Variants in DNAH2 observed in about 807,000 individuals in gnomAD.
The protein encoded by DNAH2 is dynein axonemal heavy chain 2.
In DNAH2, 323 loss-of-function variants were observed where a neutral mutation model predicts 523.5. The ratio of observed to expected loss-of-function variants is 0.62; its 90% CI spans 0.56 to 0.68. DNAH2 has a LOEUF of 0.68. Among genes scored for constraint, DNAH2 ranks in the 30% least tolerant of loss-of-function variants. The pLI is 0.00. For missense variants in DNAH2, 4,907 were observed against 5,701.5 expected (o/e 0.86, Z 4.49); for synonymous variants, 2,093 against 2,177.4 (o/e 0.96, Z 1.08).
At chr17:7,741,254 C>CTTTCTTTCTT (rs1256127382) in intron 11 of DNAH2, among the ~76,000 whole-genome samples, 1 of 38,198 alleles carries the variant, frequency 2.6e-5, no homozygotes, top group Non-Finnish European at 4.5e-5. Context: ...TTCTTTCTTT[C>CTTTCTTTCTT]TTTCTTTCTT....
Position 7,797,424 on chromosome 17 carries a change from T to C in DNAH2, c.7974T>C (p.Asp2658=). The part of the protein sequence containing the change: ...CFRVFSDRLV[D]AADTEAFMGI... The stretch of plus-strand genomic sequence containing the variant: ...GAGTCTTCTCTGACCGGCTGGTTGA[T>C]GCGGCAGACACAGAAGCCTTCATGG... Residue 2658 remains aspartate, a synonymous_variant, in exon 52 of 86, where the codon GAT becomes GAC. Coordinates refer to ENST00000572933, the MANE Select transcript of DNAH2 (RefSeq NM_020877.5). 6.2e-7 allele frequency: 1 copy of C among 1,614,176 alleles called. No individual in the cohort carries two copies. Among genetic ancestry groups the C allele is most frequent in the Non-Finnish European group, 8.5e-7 (1 of 1,180,044 alleles).
At chr17:7,785,188 G>A (rs774843530) in intron 39 of DNAH2, among the ~76,000 whole-genome samples, 7 of 150,556 alleles carry the variant, frequency 4.6e-5, no homozygotes, top group Admixed American at 2.0e-4. Context: ...TGCAACCTCC[G>A]CCTCCCAGGT....
rs766519234 is a variant in DNAH2, at chr17:7,780,126, A to G, written c.5723-31A>G. 1.3e-5 allele frequency: 21 copies of G among 1,592,346 alleles called. No individual in the cohort carries two copies. The highest frequency in any genetic ancestry group is 1.8e-5 in the Non-Finnish European group (21 of 1,169,330). ...GAAGCAAATCAAGATGAGGAAATAT[A>G]TGATTCTAAGCAAGTGGCATTGTTT... On this transcript the variant is annotated intron_variant, in intron 36 of 85. Transcript: ENST00000572933. This position sits in a 1 kb window ranked among gnomAD's most constrained non-coding sequence, Gnocchi z 4.4.
At chr17:7,823,753 C>A (rs1412923511) in intron 74 of DNAH2, 81 bp from the exon 75 acceptor site, 4 of 1,582,976 alleles carry the variant, frequency 2.5e-6, no homozygotes, top group South Asian at 1.2e-5. Context: ...GGAGCACATT[C>A]CCGGCAGGTG....
rs781150576 is a variant in DNAH2, at chr17:7,778,284, T to C, written c.5356T>C (p.Tyr1786His). The C allele has an allele frequency of 3.7e-6, 6 of 1,614,032 alleles. No individual in the cohort carries two copies. Among genetic ancestry groups the C allele is most frequent in the Non-Finnish European group, 5.1e-6 (6 of 1,180,014 alleles). Residue 1786 changes from tyrosine to histidine, a missense_variant, in exon 35 of 86, where the codon TAC becomes CAC. Tyr to His is a moderately conservative substitution (Grantham distance 83). Around this residue, in one of 3 missense-constraint regions of DNAH2, gnomAD observed 2,806 missense variants for 3,190.8 expected, o/e 0.88. Transcript: ENST00000572933. The part of the protein sequence containing the change: ...LVITPLTDRC[Y>H]MTLTTALHLH... ...AGTTCTGTCCTCAATTCTCAGGTGT[T>C]ACATGACACTGACCACGGCATTGCA... is the stretch of plus-strand genomic sequence containing the variant.
Position 7,824,264 on chromosome 17 carries a change from C to T in DNAH2, c.11622C>T (p.Ala3874=), listed in dbSNP as rs2077956027. 1.9e-6 allele frequency: 3 copies of T among 1,552,542 alleles called. No individual in the cohort carries two copies. The highest frequency in any genetic ancestry group is 8.7e-7 in the Non-Finnish European group (1 of 1,154,266). ...CCCTGTCCCTGGGCCAGGGCCAGGC[C>T]CCCATCGCTGCTCGGCTCCTCCGAG... ...FHALSLGQGQ[A]PIAARLLREG... The change falls in exon 76 of 86, where the codon GCC becomes GCT. Residue 3874 remains alanine, a synonymous_variant. Transcript: ENST00000572933.
chr17:7,775,418 G>C (rs2076422376), intron 30 of DNAH2, 76 bp downstream of exon 30: 1 of 1,386,452 alleles, frequency 7.2e-7, no homozygotes, highest in Admixed American at 2.0e-5. Flanking sequence ...GGGCGCAGTG[G>C]CTCACACTTG....
At chr17:7,770,530 G>T (rs1343937526) in intron 25 of DNAH2, 27 bp from the exon 26 acceptor site, 2 of 1,613,556 alleles carry the variant, frequency 1.2e-6, no homozygotes, top group Admixed American at 1.7e-5. Context: ...ATACCTGACT[G>T]CTGTGTCCCC....
chr17:7,734,469 G>A lies in DNAH2; in HGVS notation c.740-1G>A. On this transcript the variant is annotated splice_acceptor_variant, in intron 6 of 85. Transcript: ENST00000572933. LOFTEE classifies it high-confidence loss of function. Reference sequence around the variant, plus strand: ...AGGAGATTTTGTACTCTCCCCTGCAGCCTCCATGATCCACTGGACCCGGCA... The same window carrying A: ...AGGAGATTTTGTACTCTCCCCTGCAACCTCCATGATCCACTGGACCCGGCA... 1 of 1,613,888 alleles carries A rather than the reference G, an allele frequency of 6.2e-7. No individual in the cohort carries two copies. Among genetic ancestry groups the A allele is most frequent in the Non-Finnish European group, 8.5e-7 (1 of 1,179,946 alleles).
At position 7,770,935 on chromosome 17, in the gene DNAH2, T is replaced by A. The variant is rs2151221618; in HGVS notation, c.4362+2T>A. The A allele has an allele frequency of 6.2e-7, 1 of 1,612,922 alleles. No homozygotes were observed. The highest frequency in any genetic ancestry group is 8.5e-7 in the Non-Finnish European group (1 of 1,179,762). ...CAGCGTCAGTGGATGTACTTAGAGGTCAGGACTCAGCGCCTGAGCTCTTCC... is the reference window on the plus strand; with the variant it reads ...CAGCGTCAGTGGATGTACTTAGAGGACAGGACTCAGCGCCTGAGCTCTTCC... On this transcript the variant is annotated splice_donor_variant, in intron 27 of 85. Coordinates refer to ENST00000572933, the MANE Select transcript of DNAH2 (RefSeq NM_020877.5). LOFTEE classifies it high-confidence loss of function.
chr17:7,768,811 C>T (rs148020448), intron 24 of DNAH2, among the ~76,000 whole-genome samples: 665 of 152,300 alleles, frequency 4.4e-3, no homozygotes, highest in Admixed American at 9.0e-3. Flanking sequence ...TGTCTTTCTT[C>T]GCCTGGCTTA....
At chr17:7,719,010 T>C (rs2074507872) in intron 1 of DNAH2, among the ~76,000 whole-genome samples, 1 of 152,148 alleles carries the variant, frequency 6.6e-6, no homozygotes, top group Admixed American at 6.5e-5. Context: ...GTAGAGTGGA[T>C]GAGGGTTTGG....
chr17:7,777,306 C>T lies in DNAH2; in HGVS notation c.5059-140C>T, dbSNP rs148153950. Reference sequence around the variant, plus strand: ...TGATGGAAGTCCAGTGGGGGCAGTCCGTGGTAGAGCAGAATTACCAGGAGT... The same window carrying T: ...TGATGGAAGTCCAGTGGGGGCAGTCTGTGGTAGAGCAGAATTACCAGGAGT... On this transcript the variant is annotated intron_variant, in intron 32 of 85. Coordinates refer to ENST00000572933, the MANE Select transcript of DNAH2 (RefSeq NM_020877.5). 3.9e-4 allele frequency: 355 copies of T among 905,044 alleles called. 1 individual carries two copies. The East Asian group carries it at 6.5e-3, about 17-fold the overall frequency. 56.1% of individuals were successfully genotyped at this position (905,044 alleles called of 1,614,324 possible).
At position 7,831,449 on chromosome 17, in the gene DNAH2, G is replaced by C; in HGVS notation, c.12519G>C (p.Gly4173=). The change falls in exon 81 of 86, where the codon GGG becomes GGC. Residue 4173 remains glycine (G), a synonymous_variant. Coordinates refer to ENST00000572933, the MANE Select transcript of DNAH2 (RefSeq NM_020877.5). The surrounding 1 kb of genome is among the most constrained non-coding windows in gnomAD (Gnocchi z 4.2). ...QKIPEMIDYE[G]TQKLLALDPS... is the part of the protein sequence containing the mutation. ...TCCCTGAAATGATCGACTATGAGGG[G>C]ACTCAAAAACTGCTAGCTCTCGACC... 6.2e-7 allele frequency: 1 copy of C among 1,614,072 alleles called. No homozygotes were observed. The highest frequency in any genetic ancestry group is 1.1e-5 in the South Asian group (1 of 91,074).
At chr17:7,768,504 T>C (rs1271647211) in intron 24 of DNAH2, among the ~76,000 whole-genome samples, 5 of 152,244 alleles carry the variant, frequency 3.3e-5, no homozygotes, top group Non-Finnish European at 7.3e-5. Context: ...GTAGAATGGC[T>C]AAATTGAGCT....
chr17:7,772,769 TTTG>T (rs2076352762), intron 28 of DNAH2, among the ~76,000 whole-genome samples: 1 of 152,046 alleles, frequency 6.6e-6, no homozygotes, highest in Non-Finnish European at 1.5e-5. Flanking sequence ...TGTTTGTTTG[TTTG>T]TTTGTTTGTT....
In DNAH2 at chr17:7,764,169, G is replaced by A. The variant is rs1323043273; in HGVS notation, c.3232G>A (p.Val1078Met). 7 of 1,614,198 alleles carry A rather than the reference G, an allele frequency of 4.3e-6. No homozygotes were observed. The highest frequency in any genetic ancestry group is 5.9e-6 in the Non-Finnish European group (7 of 1,180,040). The stretch of plus-strand genomic sequence containing the variant: ...GGAACTGGGGGTCAGCTTGCAGCTC[G>A]TGGATGCCCTGAAGCACGACTTGGC... ...LEELGVSLQL[V>M]DALKHDLANV... The change falls in exon 20 of 86, where the codon GTG becomes ATG. Residue 1078 changes from valine to methionine, a missense_variant. This residue lies in a region of DNAH2 where 2,806 missense variants were observed against 3,190.8 expected (regional missense o/e 0.88). Transcript: ENST00000572933.
At chr17:7,793,445 CT>C (rs559024587) in intron 48 of DNAH2, among the ~76,000 whole-genome samples, 2 of 101,070 alleles carry the variant, frequency 2.0e-5, no homozygotes, top group African/African-American at 7.0e-5. Context: ...TTCTTTCTTT[CT>C]TTTTCTTTCT....
chr17:7,808,202 C>T (rs2077419480), intron 63 of DNAH2, among the ~76,000 whole-genome samples: 1 of 152,084 alleles, frequency 6.6e-6, no homozygotes, highest in African/African-American at 2.4e-5. Context: ...GAAACCCTAT[C>T]TCTACTAAAA....
Sources: gnomAD v4.1 joint callset for allele counts (sites outside exome capture counted in the v4.1 genomes callset) on GRCh38, gnomAD v4.1.1 for gene constraint, gnomAD v4.1.1 regional missense constraint, Gnocchi (gnomAD v3.1) non-coding constraint, MANE v1.5 for transcripts, NCBI Gene and HGNC (gene_info 2026-07-23, HGNC 2026-07-21) for gene names.